Variants in KIT observed in about 807,000 individuals in gnomAD.
KIT encodes the protein mast/stem cell growth factor receptor Kit.
A neutral mutation model predicts 105.7 loss-of-function variants in KIT; 16 were observed. That is an observed-to-expected ratio of 0.15 (90% CI 0.10 to 0.23). The LOEUF (loss-of-function observed/expected upper bound fraction) is 0.23. Ranked by LOEUF, KIT falls within the 10% of genes least tolerant of loss-of-function variation. The pLI is 1.00. For missense variants in KIT, 858 were observed against 1,213.8 expected, an observed-to-expected ratio of 0.71 and a Z score of 4.36; for synonymous variants, 438 against 441.1, an observed-to-expected ratio of 0.99 and a Z score of 0.09.
chr4:54,670,671 A>T (rs923031414), intron 1 of KIT, among the ~76,000 whole-genome samples: 1 of 152,134 alleles, frequency 6.6e-6, no homozygotes, highest in African/African-American at 2.4e-5. Flanking sequence ...AGAAACCAGA[A>T]TTCTTTTTCC....
chr4:54,729,266 A>AT, intron 13 of KIT, 69 bp from the exon 14 acceptor site: 1 of 1,562,374 alleles, frequency 6.4e-7, no homozygotes, highest in East Asian at 2.2e-5. Flanking sequence ...ACCCTTGGGT[A>AT]TTTTTATGGG....
In KIT at chr4:54,696,004, T is replaced by C. The variant is rs1033538213; in HGVS notation, c.337+223T>C. 6.7e-6 allele frequency: 4 copies of C among 592,672 alleles called. No individual in the cohort carries two copies. In the Admixed American group the frequency reaches 1.2e-4, roughly 18 times the overall value. The allele number at this position is 592,672 out of a possible 1,614,324, so 36.7% of individuals were successfully genotyped here. On this transcript the variant is annotated intron_variant, in intron 2 of 20. Transcript: ENST00000288135. The stretch of plus-strand genomic sequence containing the variant: ...GAGGACTGCAGGACTGTGATACTCT[T>C]CCTAATGAGATTACAGTAGGTTTAG...
At chr4:54,695,367 C>CT in intron 1 of KIT, 145 bp from the exon 2 acceptor site, 1 of 824,830 alleles carries the variant, frequency 1.2e-6, no homozygotes, top group Non-Finnish European at 2.0e-6. Flanking sequence ...TTAGACAGAA[C>CT]TCTCTTTTCA....
Position 54,739,984 on chromosome 4 carries a change from CT to C in KIT, c.*1428del. 4.3e-6 allele frequency: 1 copy of C among 233,542 alleles called. No individual in the cohort carries two copies. The highest frequency in any genetic ancestry group is 8.5e-6 in the Non-Finnish European group (1 of 117,974). The allele number at this position is 233,542 out of a possible 1,614,324, so 14.5% of individuals were successfully genotyped here. ...AAACATTTAAATTTTACCCTTTAGACTGTAGCCTGGATATTATTCTTGTAGT... is the reference window on the plus strand; with the variant it reads ...AAACATTTAAATTTTACCCTTTAGACGTAGCCTGGATATTATTCTTGTAGT... On this transcript the variant is annotated 3_prime_UTR_variant, in exon 21 of 21. Coordinates refer to ENST00000288135, the MANE Select transcript of KIT (RefSeq NM_000222.3).
rs2237039 is a variant in KIT, at chr4:54,659,365, C to T, written c.67+1284C>T. ...CGAGTGCAGGTCGCCCAGCTCACCC[C>T]TGAAGCCCTGCTATCTCCCAGGTCA... On this transcript the variant is annotated intron_variant, in intron 1 of 20. Coordinates refer to ENST00000288135, the MANE Select transcript of KIT (RefSeq NM_000222.3). Among the ~76,000 whole-genome samples, 373 of 152,308 alleles carry T rather than the reference C, an allele frequency of 2.4e-3. 4 individuals carry two copies. The East Asian group carries it at 0.027, about 11-fold the overall frequency.
At chr4:54,690,709 C>T (rs1719650331) in intron 1 of KIT, among the ~76,000 whole-genome samples, 1 of 152,192 alleles carries the variant, frequency 6.6e-6, no homozygotes, top group South Asian at 2.1e-4. Flanking sequence ...TTGCTGTCTA[C>T]CACGCACATT....
chr4:54,682,958 A>G (rs2537867), intron 1 of KIT, among the ~76,000 whole-genome samples: 96,629 of 150,856 alleles, frequency 0.64, 32,773 homozygotes, highest in African/African-American at 0.89. Context: ...CACCATATTG[A>G]CCATGCTGGT....
At chr4:54,661,131 A>T (rs1717233846) in intron 1 of KIT, among the ~76,000 whole-genome samples, 1 of 152,154 alleles carries the variant, frequency 6.6e-6, no homozygotes, top group African/African-American at 2.4e-5. Context: ...CCAGTTAAAA[A>T]TCCATCTCCC....
chr4:54,674,854 A>G (rs1442790498), intron 1 of KIT, among the ~76,000 whole-genome samples: 1 of 152,200 alleles, frequency 6.6e-6, no homozygotes, highest in East Asian at 1.9e-4. Flanking sequence ...AAGAACTGAC[A>G]TGCTTTTGTC....
At chr4:54,700,010 C>G (rs1312776529) in intron 4 of KIT, among the ~76,000 whole-genome samples, 6 of 152,114 alleles carry the variant, frequency 3.9e-5, no homozygotes, top group Admixed American at 3.9e-4. Flanking sequence ...GAGAGAACTT[C>G]AGATTCATGT....
intron 4 of KIT, among the ~76,000 whole-genome samples, chr4:54,701,195 G>A (rs1203971995): frequency 6.6e-6 from 1 of 152,186 alleles, no homozygotes; most frequent in Non-Finnish European, 1.5e-5. Flanking sequence ...TTCAGTGTTA[G>A]GAGCTCTTTG....
intron 14 of KIT, among the ~76,000 whole-genome samples, chr4:54,730,542 T>A (rs1338062534): frequency 6.6e-6 from 1 of 152,172 alleles, no homozygotes; most frequent in Non-Finnish European, 1.5e-5. Context: ...AACCACTTTT[T>A]GTTAGTTTCT....
intron 14 of KIT, 85 bp downstream of exon 14, chr4:54,729,570 A>C: frequency 7.6e-7 from 1 of 1,308,740 alleles, no homozygotes; most frequent in Non-Finnish European, 1.1e-6. Flanking sequence ...GATTCTTTAA[A>C]AAATGAACTG....
At chr4:54,734,349 C>A (rs1722789399) in intron 17 of KIT, among the ~76,000 whole-genome samples, 1 of 152,180 alleles carries the variant, frequency 6.6e-6, no homozygotes, top group Non-Finnish European at 1.5e-5. Flanking sequence ...CTTTGTTTTT[C>A]TCCCCTTGGG....
chr4:54,662,125 T>A lies in KIT; in HGVS notation c.67+4044T>A, dbSNP rs144507510. ...TGGCCCCTGTAGATGAGGCCTGTGC[T>A]CTTCAGGTTGCATTAGGCTCTAGGG... On this transcript the variant is annotated intron_variant, in intron 1 of 20. Transcript: ENST00000288135. Among the ~76,000 whole-genome samples the A allele has an allele frequency of 2.6e-3, 393 of 152,272 alleles. 15 individuals carry two copies. In the East Asian group the frequency reaches 0.069, roughly 27 times the overall value.
Position 54,709,354 on chromosome 4 carries a change from A to G in KIT, c.1116-70A>G, listed in dbSNP as rs191569240. ...CAAACAGGCATAGATTTCCAGGTAG[A>G]AACTGAAAAAGACATGCCTTCCAAG... On this transcript the variant is annotated intron_variant, in intron 6 of 20. Coordinates refer to ENST00000288135, the MANE Select transcript of KIT (RefSeq NM_000222.3). 8 of 969,958 alleles carry G rather than the reference A, an allele frequency of 8.2e-6. No homozygotes were observed. The East Asian group carries it at 1.9e-4, about 23-fold the overall frequency. The allele number at this position is 969,958 out of a possible 1,614,324, so 60.1% of individuals were successfully genotyped here.
chr4:54,723,507 G>T (rs1459027072), intron 7 of KIT, 77 bp from the exon 8 acceptor site: 2 of 919,784 alleles, frequency 2.2e-6, no homozygotes, highest in Non-Finnish European at 3.6e-6. Context: ...AGGTTGTAGG[G>T]ATTAGAGAGG....
chr4:54,667,823 T>C (rs189358708), intron 1 of KIT, among the ~76,000 whole-genome samples: 2 of 152,340 alleles, frequency 1.3e-5, no homozygotes, highest in East Asian at 3.9e-4. Flanking sequence ...GATATCACTT[T>C]TGCATGTATT....
At chr4:54,658,559 T>G (rs980291693) in intron 1 of KIT, among the ~76,000 whole-genome samples, 6 of 152,042 alleles carry the variant, frequency 3.9e-5, no homozygotes, top group African/African-American at 1.4e-4. Flanking sequence ...GAGGGCAAAG[T>G]TAGAGAGCCC....
Sources: allele counts gnomAD v4.1 joint callset (sites outside exome capture counted in the v4.1 genomes callset), GRCh38; gene constraint gnomAD v4.1.1; transcripts MANE v1.5; gene names NCBI Gene and HGNC (gene_info 2026-07-23, HGNC 2026-07-21).